The following PTPRD variants were observed in gnomAD, a reference collection of about 807,000 sequenced individuals.
PTPRD encodes receptor-type tyrosine-protein phosphatase delta.
Under a neutral mutation model 214.5 loss-of-function variants are expected in PTPRD, and 34 were observed. That is an observed-to-expected ratio of 0.16 (90% CI 0.12 to 0.21). The LOEUF (loss-of-function observed/expected upper bound fraction) is 0.21, where lower values mean the gene tolerates loss of function less well. PTPRD is among the 10% of genes least tolerant of loss of function. The pLI is 1.00. For missense variants in PTPRD, 2,545 were observed against 2,398.7 expected, an observed-to-expected ratio of 1.06 and a Z score of -1.27; for synonymous variants, 1,128 against 845.7, an observed-to-expected ratio of 1.33 and a Z score of -5.79.
chr9:8,427,990 T>C (rs1284165670), intron 35 of PTPRD, among the ~76,000 whole-genome samples: 4 of 152,174 alleles, frequency 2.6e-5, no homozygotes, highest in Non-Finnish European at 2.9e-5. Context: ...ATGTATGTGT[T>C]TGTTTTTAAT....
At chr9:8,745,786 C>T (rs1365623428) in intron 11 of PTPRD, among the ~76,000 whole-genome samples, 3 of 15,452 alleles carry the variant, frequency 1.9e-4, no homozygotes, top group East Asian at 8.6e-4. Flanking sequence ...TATGGAGTTT[C>T]TCTCTCTCTC....
intron 11 of PTPRD, among the ~76,000 whole-genome samples, chr9:8,799,322 G>T (rs975573609): frequency 6.6e-6 from 1 of 152,154 alleles, no homozygotes; most frequent in East Asian, 1.9e-4. Context: ...GTTGTAGTTG[G>T]TATAAGAAAG....
chr9:10,301,255 A>T lies in PTPRD; in HGVS notation c.-545+39708T>A, dbSNP rs556533297. ...AAAGGGACGTCCACTCAGAGACCCC[A>T]TCCGAAGGTCACCAACATCAAAGAC... On this transcript the variant is annotated intron_variant, in intron 3 of 45. Transcript: ENST00000381196. 2.0e-5 allele frequency among the ~76,000 whole-genome samples: 3 copies of T among 152,314 alleles called. No individual in the cohort carries two copies. In the East Asian group the frequency reaches 5.8e-4, roughly 29 times the overall value.
intron 6 of PTPRD, among the ~76,000 whole-genome samples, chr9:9,739,265 G>T (rs1371828276): frequency 2.0e-5 from 3 of 152,112 alleles, no homozygotes; most frequent in Admixed American, 6.5e-5. Flanking sequence ...TATCTCAAAA[G>T]GAACCACTGC....
intron 9 of PTPRD, among the ~76,000 whole-genome samples, chr9:9,335,371 T>C (rs2044034073): frequency 6.6e-6 from 1 of 152,060 alleles, no homozygotes; most frequent in African/African-American, 2.4e-5. Flanking sequence ...AGAACAAGAT[T>C]GAAGGCAATT....
At chr9:8,396,049 A>G (rs1254351958) in intron 36 of PTPRD, among the ~76,000 whole-genome samples, 2 of 152,134 alleles carry the variant, frequency 1.3e-5, no homozygotes, top group African/African-American at 2.4e-5. Context: ...ATAGAGGTTC[A>G]TCAAGCAATG....
chr9:9,370,851 C>A (rs2059286843), intron 9 of PTPRD, among the ~76,000 whole-genome samples: 1 of 152,178 alleles, frequency 6.6e-6, no homozygotes, highest in East Asian at 1.9e-4. Context: ...AAGGCCTTTT[C>A]TGCATCTATT....
intron 39 of PTPRD, 54 bp downstream of exon 39, chr9:8,375,882 G>A (rs776079309): frequency 2.5e-6 from 4 of 1,570,366 alleles, no homozygotes; most frequent in East Asian, 2.3e-5. Context: ...AACATCCAAT[G>A]AGAGTCAATT....
At chr9:9,166,720 C>T (rs1289511391) in intron 10 of PTPRD, among the ~76,000 whole-genome samples, 1 of 152,106 alleles carries the variant, frequency 6.6e-6, no homozygotes, top group Non-Finnish European at 1.5e-5. Flanking sequence ...CACTGGTCTT[C>T]TTAAAAACAC....
intron 10 of PTPRD, chr9:9,091,272 C>G: frequency 8.2e-7 from 1 of 1,216,784 alleles, no homozygotes; most frequent in Non-Finnish European, 1.2e-6. Flanking sequence ...AGACTGAAGA[C>G]AGGCTATTCT....
chr9:10,000,890 G>T (rs1286174589), intron 4 of PTPRD, among the ~76,000 whole-genome samples: 2 of 152,246 alleles, frequency 1.3e-5, no homozygotes, highest in East Asian at 3.9e-4. Context: ...AAGAGCCTGG[G>T]GTGGGAGGGT....
At chr9:9,062,093 T>C (rs1363014296) in intron 10 of PTPRD, among the ~76,000 whole-genome samples, 2 of 152,178 alleles carry the variant, frequency 1.3e-5, no homozygotes, top group Admixed American at 1.3e-4. Flanking sequence ...TCTCATCCCC[T>C]CATTTTATAT....
chr9:8,810,041 C>G (rs1377073982), intron 11 of PTPRD, among the ~76,000 whole-genome samples: 1 of 152,146 alleles, frequency 6.6e-6, no homozygotes. Context: ...GCCCCAAGTG[C>G]TCCCCTAATG....
chr9:8,409,235 G>T (rs2093317717), intron 35 of PTPRD, among the ~76,000 whole-genome samples: 1 of 152,140 alleles, frequency 6.6e-6, no homozygotes, highest in Non-Finnish European at 1.5e-5. Context: ...TGTAGATGAG[G>T]AAACTGAGGT....
chr9:8,411,575 G>C (rs896966153), intron 35 of PTPRD, among the ~76,000 whole-genome samples: 1 of 152,078 alleles, frequency 6.6e-6, no homozygotes, highest in African/African-American at 2.4e-5. Flanking sequence ...AAGTGTTGAG[G>C]TTACAGGCGT....
chr9:9,222,653 C>T (rs1338888545), intron 9 of PTPRD, among the ~76,000 whole-genome samples: 1 of 151,926 alleles, frequency 6.6e-6, no homozygotes, highest in African/African-American at 2.4e-5. Context: ...CAAAAGAATA[C>T]AATTATCTTT....
chr9:9,306,404 A>G (rs1490882215), intron 9 of PTPRD, among the ~76,000 whole-genome samples: 2 of 151,662 alleles, frequency 1.3e-5, no homozygotes, highest in African/African-American at 2.4e-5. Context: ...TCTCTACTAA[A>G]AATAAAAAAC....
At chr9:9,552,691 C>T (rs918685401) in intron 8 of PTPRD, among the ~76,000 whole-genome samples, 29 of 152,150 alleles carry the variant, frequency 1.9e-4, no homozygotes, top group African/African-American at 6.5e-4. Context: ...CTAGATTCCT[C>T]GGTTCAAGGT....
At chr9:8,957,793 C>T (rs991045081) in intron 11 of PTPRD, among the ~76,000 whole-genome samples, 1 of 151,596 alleles carries the variant, frequency 6.6e-6, no homozygotes, top group Non-Finnish European at 1.5e-5. Flanking sequence ...TGGCCTAATG[C>T]TGAGTATGCA....
Sources: allele counts gnomAD v4.1 joint callset (sites outside exome capture counted in the v4.1 genomes callset), GRCh38; gene constraint gnomAD v4.1.1; transcripts MANE v1.5; gene names NCBI Gene and HGNC (gene_info 2026-07-23, HGNC 2026-07-21).